The following BMP2K variants were observed in gnomAD, a reference collection of about 807,000 sequenced individuals.
The protein encoded by BMP2K is BMP2 inducible kinase.
Under a neutral mutation model 116.0 loss-of-function variants are expected in BMP2K, and 74 were observed. The observed-to-expected ratio is 0.64, with a 90% CI of 0.53 to 0.77. The LOEUF (loss-of-function observed/expected upper bound fraction) is 0.77, where lower values mean the gene tolerates loss of function less well. Among genes scored for constraint, BMP2K ranks in the 30% least tolerant of loss-of-function variants. The pLI is 0.00. For missense variants in BMP2K, 1,365 were observed against 1,403.6 expected, an observed-to-expected ratio of 0.97 and a Z score of 0.44; for synonymous variants, 486 against 502.5, an observed-to-expected ratio of 0.97 and a Z score of 0.44.
intron 15 of BMP2K, among the ~76,000 whole-genome samples, chr4:78,893,092 G>C (rs886294870): frequency 6.6e-6 from 1 of 152,214 alleles, no homozygotes; most frequent in African/African-American, 2.4e-5. Flanking sequence ...CAAAATTGGA[G>C]TTAATTCCCT....
intron 15 of BMP2K, among the ~76,000 whole-genome samples, chr4:78,889,952 A>T (rs971020763): frequency 1.3e-5 from 2 of 152,202 alleles, no homozygotes; most frequent in African/African-American, 4.8e-5. Context: ...CACTGTCCTG[A>T]ATCTAGTGTT....
At chr4:78,888,378 G>T (rs6850116) in intron 15 of BMP2K, among the ~76,000 whole-genome samples, 21,417 of 152,070 alleles carry the variant, frequency 0.14, 2,795 homozygotes, top group African/African-American at 0.35. Context: ...AATTATTACT[G>T]TCTAAAATTA....
intron 6 of BMP2K, 148 bp from the exon 7 acceptor site, chr4:78,850,776 A>G: frequency 1.5e-6 from 1 of 663,192 alleles, no homozygotes; most frequent in Non-Finnish European, 2.3e-6. Flanking sequence ...TTCAAAAATT[A>G]AATATATTAA....
chr4:78,864,375 T>A (rs1488530563), intron 9 of BMP2K, among the ~76,000 whole-genome samples: 1 of 151,820 alleles, frequency 6.6e-6, no homozygotes, highest in Non-Finnish European at 1.5e-5. Context: ...CAAGATATAA[T>A]TGATTACATA....
intron 1 of BMP2K, among the ~76,000 whole-genome samples, chr4:78,807,893 T>C (rs953922830): frequency 3.3e-5 from 5 of 152,158 alleles, no homozygotes; most frequent in African/African-American, 4.8e-5. Flanking sequence ...AATTTGTTTT[T>C]CTAGTTTTTT....
chr4:78,855,192 A>T (rs1731445612), intron 7 of BMP2K, among the ~76,000 whole-genome samples: 1 of 152,194 alleles, frequency 6.6e-6, no homozygotes, highest in African/African-American at 2.4e-5. Flanking sequence ...TATGTAGGAC[A>T]TATAGAGTAA....
intron 1 of BMP2K, among the ~76,000 whole-genome samples, chr4:78,788,980 A>G (rs796944878): frequency 2.4e-4 from 36 of 148,462 alleles, no homozygotes; most frequent in African/African-American, 8.5e-4. Flanking sequence ...GGTCAATTTC[A>G]CTGATTTTTT....
chr4:78,817,722 G>T (rs186975988), intron 1 of BMP2K, among the ~76,000 whole-genome samples: 57 of 152,258 alleles, frequency 3.7e-4, no homozygotes, highest in African/African-American at 1.4e-3. Context: ...GAGGTAGGGG[G>T]TCGGGGGAAA....
intron 1 of BMP2K, among the ~76,000 whole-genome samples, chr4:78,812,913 G>A (rs1729157590): frequency 6.6e-6 from 1 of 152,020 alleles, no homozygotes; most frequent in South Asian, 2.1e-4. Context: ...GCATGGTGGT[G>A]TGTGCCTGTA....
intron 1 of BMP2K, among the ~76,000 whole-genome samples, chr4:78,820,478 T>C (rs2109989062): frequency 6.6e-6 from 1 of 152,316 alleles, no homozygotes; most frequent in South Asian, 2.1e-4. Context: ...GATGTGTGTG[T>C]GAATGTGTGT....
intron 15 of BMP2K, among the ~76,000 whole-genome samples, chr4:78,890,932 T>C (rs759550371): frequency 1.8e-4 from 27 of 152,280 alleles, no homozygotes; most frequent in Middle Eastern, 3.4e-3. Context: ...GGGTGGCTCA[T>C]GCCTGTAATC....
intron 1 of BMP2K, among the ~76,000 whole-genome samples, chr4:78,783,149 A>C (rs1400923120): frequency 6.6e-6 from 1 of 152,188 alleles, no homozygotes; most frequent in African/African-American, 2.4e-5. Context: ...TTGTGTTTGA[A>C]AAATATCTGA....
At chr4:78,834,768 A>G (rs768296390) in intron 3 of BMP2K, among the ~76,000 whole-genome samples, 1 of 152,212 alleles carries the variant, frequency 6.6e-6, no homozygotes, top group Non-Finnish European at 1.5e-5. Context: ...ATGTTGGAGA[A>G]AATATGATCT....
chr4:78,788,332 A>T (rs553715192), intron 1 of BMP2K, among the ~76,000 whole-genome samples: 1 of 151,324 alleles, frequency 6.6e-6, no homozygotes, highest in South Asian at 2.1e-4. Context: ...TAACAGGAGT[A>T]TGTAAGATAG....
intron 7 of BMP2K, among the ~76,000 whole-genome samples, chr4:78,851,581 G>T (rs1369758764): frequency 6.6e-6 from 1 of 151,976 alleles, no homozygotes; most frequent in Non-Finnish European, 1.5e-5. Flanking sequence ...TTTGTTTTCT[G>T]CATTCAAGTA....
chr4:78,786,625 T>C (rs888470463), intron 1 of BMP2K, among the ~76,000 whole-genome samples: 1 of 152,160 alleles, frequency 6.6e-6, no homozygotes, highest in African/African-American at 2.4e-5. Context: ...TAGCTTATGT[T>C]GTTATGTTTG....
In BMP2K at chr4:78,781,642, G is replaced by C. The variant is rs541648671; in HGVS notation, c.178+4921G>C. Among the ~76,000 whole-genome samples the C allele has an allele frequency of 1.8e-3, 274 of 152,252 alleles. 1 individual carries two copies. The highest frequency in any genetic ancestry group is 6.0e-3 in the African/African-American group (248 of 41,532). On this transcript the variant is annotated intron_variant, in intron 1 of 15. Coordinates refer to ENST00000502613, the MANE Select transcript of BMP2K (RefSeq NM_198892.2). ...CCCTGGGAGAGGATGGATGTAGGGA[G>C]AGTGTAGAATGAGAAGGTGCTCATT...
chr4:78,841,316 A>T (rs1730748553), intron 3 of BMP2K, among the ~76,000 whole-genome samples: 1 of 152,296 alleles, frequency 6.6e-6, no homozygotes, highest in Non-Finnish European at 1.5e-5. Context: ...TCCCAAACTC[A>T]ATTTTTATTA....
chr4:78,887,517 C>T (rs1160218524), intron 15 of BMP2K, among the ~76,000 whole-genome samples: 1 of 152,022 alleles, frequency 6.6e-6, no homozygotes, highest in African/African-American at 2.4e-5. Context: ...AACATAACTG[C>T]TTCTTTTCAT....
Sources: gnomAD v4.1 joint callset for allele counts (sites outside exome capture counted in the v4.1 genomes callset) on GRCh38, gnomAD v4.1.1 for gene constraint, MANE v1.5 for transcripts, NCBI Gene and HGNC (gene_info 2026-07-23, HGNC 2026-07-21) for gene names.